Variants in LINGO2 observed in about 807,000 individuals in gnomAD.
LINGO2 encodes leucine rich repeat and Ig domain containing 2.
Under a neutral mutation model 30.6 loss-of-function variants are expected in LINGO2, and 14 were observed. The ratio of observed to expected loss-of-function variants is 0.46; its 90% confidence interval spans 0.30 to 0.72. LINGO2 has a LOEUF of 0.72. Among genes scored for constraint, LINGO2 ranks in the 30% least tolerant of loss-of-function variants. LINGO2 has a pLI of 0.07. For synonymous variants in LINGO2, 317 were observed against 288.5 expected, an observed-to-expected ratio of 1.10 and a Z score of -1.00; for missense variants, 729 against 751.7, an observed-to-expected ratio of 0.97 and a Z score of 0.35.
intron 4 of LINGO2, among the ~76,000 whole-genome samples, chr9:28,099,372 T>C (rs1826343080): frequency 6.6e-6 from 1 of 152,194 alleles, no homozygotes; most frequent in Non-Finnish European, 1.5e-5. Context: ...GCTTTCTTGT[T>C]TTTTGTTTTG....
At chr9:28,052,140 G>T (rs1369332427) in intron 4 of LINGO2, among the ~76,000 whole-genome samples, 1 of 152,028 alleles carries the variant, frequency 6.6e-6, no homozygotes, top group African/African-American at 2.4e-5. Context: ...ATTCGTTAAA[G>T]AAGCACATAG....
chr9:28,004,547 T>C lies in LINGO2; in HGVS notation c.-36+7808A>G, dbSNP rs536247589. Among the ~76,000 whole-genome samples the C allele has an allele frequency of 2.0e-5, 3 of 152,302 alleles. No homozygotes were observed. The East Asian group carries it at 5.8e-4, about 29-fold the overall frequency. ...ATGAGTCATTTAGTGTATTTATCAA[T>C]TAACTGCGTTGATGGTAAGGAGTGT... On this transcript the variant is annotated intron_variant, in intron 5 of 5. Coordinates refer to ENST00000379992, the Ensembl canonical transcript of LINGO2.
intron 1 of LINGO2, among the ~76,000 whole-genome samples, chr9:28,636,547 T>C (rs1257905924): frequency 6.6e-6 from 1 of 152,186 alleles, no homozygotes; most frequent in African/African-American, 2.4e-5. Flanking sequence ...CTCATTGTGG[T>C]TTTGATTTGC....
the LINGO2 span, among the ~76,000 whole-genome samples, chr9:28,800,774 T>G: frequency 2.6e-5 from 4 of 152,172 alleles, no homozygotes; most frequent in Non-Finnish European, 5.9e-5. Context: ...AATGATATCT[T>G]ACTCTATGCA....
downstream of LINGO2, among the ~76,000 whole-genome samples, chr9:27,946,608 C>A (rs544083575): frequency 2.0e-5 from 3 of 151,958 alleles, no homozygotes; most frequent in East Asian, 1.9e-4. Flanking sequence ...TTTCTATTAA[C>A]TTTTGGAAGT....
At chr9:28,937,919 T>C in the LINGO2 span, among the ~76,000 whole-genome samples, 1 of 152,190 alleles carries the variant, frequency 6.6e-6, no homozygotes, top group Non-Finnish European at 1.5e-5. Context: ...GGTTATTTTT[T>C]CTGATCCTCT....
chr9:28,996,926 G>C, the LINGO2 span, among the ~76,000 whole-genome samples: 4 of 152,102 alleles, frequency 2.6e-5, no homozygotes, highest in Non-Finnish European at 4.4e-5. Flanking sequence ...TAAAAGTTAG[G>C]GACATTGTAT....
the LINGO2 span, among the ~76,000 whole-genome samples, chr9:28,870,626 A>G: frequency 6.6e-6 from 1 of 152,132 alleles, no homozygotes; most frequent in Non-Finnish European, 1.5e-5. Context: ...CATCTGGAAC[A>G]GAAAAATACC....
the LINGO2 span, among the ~76,000 whole-genome samples, chr9:29,173,231 C>T: frequency 6.6e-6 from 1 of 152,030 alleles, no homozygotes. Context: ...CAAGAGTCAA[C>T]TCAGTTGACA....
intron 1 of LINGO2, among the ~76,000 whole-genome samples, chr9:28,496,992 T>C (rs10968620): frequency 0.13 from 19,309 of 152,240 alleles, 1,351 homozygotes; most frequent in East Asian, 0.21. Flanking sequence ...TGGCCGCCAC[T>C]CTCTTCTGGC....
the LINGO2 span, among the ~76,000 whole-genome samples, chr9:28,765,151 A>C: frequency 6.6e-6 from 1 of 152,206 alleles, no homozygotes; most frequent in Admixed American, 6.5e-5. Context: ...CAATCTTAAA[A>C]TGCATATAGA....
the LINGO2 span, among the ~76,000 whole-genome samples, chr9:28,957,069 C>G: frequency 5.9e-5 from 9 of 152,076 alleles, no homozygotes; most frequent in African/African-American, 9.6e-5. Context: ...GCTCCATTTG[C>G]CTCTGTAACC....
At chr9:28,479,911 GTATATATATATATATATATATATATATA>G (rs58972403) in intron 1 of LINGO2, among the ~76,000 whole-genome samples, 184 of 49,784 alleles carry the variant, frequency 3.7e-3, no homozygotes, top group Non-Finnish European at 3.7e-3. Flanking sequence ...ATATACGTAG[GTATATATATATATATATATATATATATA>G]TATATATATA....
the LINGO2 span, among the ~76,000 whole-genome samples, chr9:28,760,190 G>T: frequency 6.6e-6 from 1 of 151,940 alleles, no homozygotes; most frequent in Non-Finnish European, 1.5e-5. Context: ...TTTAAGCAAA[G>T]CAAACATTTG....
Position 28,148,971 on chromosome 9 carries a change from G to C in LINGO2, c.-86-136566C>G. On this transcript the variant is annotated intron_variant, in intron 4 of 5. Coordinates refer to ENST00000379992, the Ensembl canonical transcript of LINGO2. This position sits in a 1 kb window ranked among gnomAD's most constrained non-coding sequence, Gnocchi z 5.1. ...AGTTCCCACAAAAGAAAACTGTCGG[G>C]GCCACCGCTGCAGCTGCAACCGACC... 2 of 1,534,144 alleles carry C rather than the reference G, an allele frequency of 1.3e-6. No homozygotes were observed. The highest frequency in any genetic ancestry group is 1.7e-6 in the Non-Finnish European group (2 of 1,146,774).
chr9:28,148,892 G>T lies in LINGO2; in HGVS notation c.-86-136487C>A, dbSNP rs1827897032. The T allele has an allele frequency of 6.5e-7, 1 of 1,533,726 alleles. No homozygotes were observed. The highest frequency in any genetic ancestry group is 8.7e-7 in the Non-Finnish European group (1 of 1,146,484). On this transcript the variant is annotated intron_variant, in intron 4 of 5. Coordinates refer to ENST00000379992, the Ensembl canonical transcript of LINGO2. The surrounding 1 kb of genome is among the most constrained non-coding windows in gnomAD (Gnocchi z 5.1). ...GGTGGGGGAGGACATGCAGCCCAAG[G>T]ATCCTGCAGCTCTTGGGTCAAGTAG... is the stretch of plus-strand genomic sequence containing the variant.
the LINGO2 span, among the ~76,000 whole-genome samples, chr9:28,794,103 A>G: frequency 1.3e-5 from 2 of 152,186 alleles, no homozygotes; most frequent in African/African-American, 4.8e-5. Flanking sequence ...CAAGAGATAG[A>G]GACCATCCTG....
intron 1 of LINGO2, among the ~76,000 whole-genome samples, chr9:28,551,981 A>AT (rs1436185230): frequency 2.0e-5 from 3 of 151,740 alleles, no homozygotes; most frequent in African/African-American, 4.8e-5. Context: ...AATCCTTTTT[A>AT]TTTTTTCAGT....
chr9:28,143,731 A>G (rs1827737907), intron 4 of LINGO2, among the ~76,000 whole-genome samples: 1 of 152,090 alleles, frequency 6.6e-6, no homozygotes, highest in Non-Finnish European at 1.5e-5. Context: ...GAAAATGAGA[A>G]AAGGAAACTT....
Sources: allele counts gnomAD v4.1 joint callset (sites outside exome capture counted in the v4.1 genomes callset), GRCh38; gene constraint gnomAD v4.1.1; non-coding constraint Gnocchi (gnomAD v3.1); transcripts MANE v1.5; gene names NCBI Gene and HGNC (gene_info 2026-07-23, HGNC 2026-07-21).